Variants in NFAT5 observed in about 807,000 individuals in gnomAD.
NFAT5 encodes nuclear factor of activated T-cells 5.
A neutral mutation model predicts 166.5 loss-of-function variants in NFAT5; 31 were observed. The ratio of observed to expected loss-of-function variants is 0.19; its 90% confidence interval spans 0.14 to 0.25. The LOEUF (loss-of-function observed/expected upper bound fraction) is 0.25. Among genes scored for constraint, NFAT5 ranks in the 10% least tolerant of loss-of-function variants. The probability of loss-of-function intolerance (pLI) is 1.00; values close to 1 mark genes in which losing one functional copy is unlikely to be tolerated. For missense variants in NFAT5, 1,449 were observed against 1,821.8 expected (o/e 0.80, Z 3.72); for synonymous variants, 612 against 639.7 (o/e 0.96, Z 0.65).
In NFAT5 at chr16:69,696,631, A is replaced by C. The variant is rs1363749673; in HGVS notation, c.*280A>C. ...CAGAATTAATTGTTATTATTTTCCT[A>C]GGCGCAATTTCCTTAAACGTACAGT... On this transcript the variant is annotated 3_prime_UTR_variant, in exon 15 of 15. Coordinates refer to ENST00000349945, the MANE Select transcript of NFAT5 (RefSeq NM_138713.4). 1.3e-5 allele frequency: 2 copies of C among 152,612 alleles called. No homozygotes were observed. Among genetic ancestry groups the C allele is most frequent in the Non-Finnish European group, 2.9e-5 (2 of 68,018 alleles). The allele number at this position is 152,612 out of a possible 1,614,324, so 9.5% of individuals were successfully genotyped here. A position where few individuals can be genotyped will look rare whatever the true frequency, so the allele number is the denominator to read the frequency against.
At chr16:69,595,894 G>A (rs1439784102) in intron 2 of NFAT5, among the ~76,000 whole-genome samples, 1 of 152,188 alleles carries the variant, frequency 6.6e-6, no homozygotes, top group Admixed American at 6.5e-5. Flanking sequence ...CTAAAGGGTA[G>A]ATAGTGTGTA....
At chr16:69,621,692 G>A (rs1221937366) in intron 2 of NFAT5, among the ~76,000 whole-genome samples, 1 of 152,158 alleles carries the variant, frequency 6.6e-6, no homozygotes, top group East Asian at 1.9e-4. Flanking sequence ...ATATGGGCCA[G>A]GTGCAGCTCA....
intron 7 of NFAT5, among the ~76,000 whole-genome samples, chr16:69,663,800 C>T (rs1330017000): frequency 1.3e-5 from 2 of 151,882 alleles, no homozygotes; most frequent in Non-Finnish European, 2.9e-5. Context: ...TTATTTGAGC[C>T]CAAGAGTTCA....
chr16:69,627,423 A>G (rs1436810611), intron 3 of NFAT5, among the ~76,000 whole-genome samples: 1 of 149,208 alleles, frequency 6.7e-6, no homozygotes, highest in Admixed American at 6.7e-5. Context: ...TTTCTTGCCT[A>G]ATATGACACC....
intron 2 of NFAT5, among the ~76,000 whole-genome samples, chr16:69,611,371 T>G (rs896985484): frequency 1.6e-4 from 24 of 152,342 alleles, no homozygotes; most frequent in South Asian, 4.1e-4. Flanking sequence ...ATTGCTTACA[T>G]TCCAGAAATG....
rs763978860 is a variant in NFAT5 at position 69,626,514 on chromosome 16, CTGT to C, written c.245_247del (p.Val82del). 6.4e-7 allele frequency: 1 copy of C among 1,560,372 alleles called. No individual in the cohort carries two copies. Among genetic ancestry groups the C allele is most frequent in the African/African-American group, 1.4e-5 (1 of 72,214 alleles). Reference sequence around the variant, plus strand: ...GGTGAGGCAGGCTCGCCTCCTCCAGCTGTTGTTGCTGCTGGTATGCATTTCATT... The same window carrying C: ...GGTGAGGCAGGCTCGCCTCCTCCAGCTGTTGCTGCTGGTATGCATTTCATT... On this transcript the variant is annotated inframe_deletion, in exon 3 of 15. Coordinates refer to ENST00000349945, the MANE Select transcript of NFAT5 (RefSeq NM_138713.4).
rs2035466588 is a variant in NFAT5, at chr16:69,647,076, C to T, written c.302C>T (p.Ser101Phe). 1 of 1,607,026 alleles carries T rather than the reference C, an allele frequency of 6.2e-7. No individual in the cohort carries two copies. Among genetic ancestry groups the T allele is most frequent in the African/African-American group, 1.3e-5 (1 of 74,834 alleles). ...SSSSMGGACS[S>F]FTTSSSPTIY... Reference sequence around the variant, plus strand: ...TCCTCCATGGGCGGTGCTTGCAGCTCCTTTACCACCTCTTCCAGCCCTACC... The same window carrying T: ...TCCTCCATGGGCGGTGCTTGCAGCTTCTTTACCACCTCTTCCAGCCCTACC... Residue 101 changes from serine (S) to phenylalanine (F), a missense_variant, in exon 4 of 15, where the codon TCC becomes TTC. Around this residue, in one of 7 missense-constraint regions of NFAT5, gnomAD observed 172 missense variants for 194.5 expected, o/e 0.88. Transcript: ENST00000349945. The surrounding 1 kb of genome is among the most constrained non-coding windows in gnomAD (Gnocchi z 4.8).
chr16:69,572,686 TAA>T (rs768171090), intron 2 of NFAT5, among the ~76,000 whole-genome samples: 1 of 151,508 alleles, frequency 6.6e-6, no homozygotes, highest in African/African-American at 2.4e-5. Flanking sequence ...ACAGGAAAAA[TAA>T]GAGTATAAAC....
At chr16:69,598,505 T>C (rs1447107590) in intron 2 of NFAT5, among the ~76,000 whole-genome samples, 1 of 150,804 alleles carries the variant, frequency 6.6e-6, no homozygotes, top group East Asian at 2.0e-4. Context: ...GCACACAATA[T>C]CAACATAGTA....
chr16:69,620,570 C>T (rs554916823), intron 2 of NFAT5, among the ~76,000 whole-genome samples: 7 of 151,676 alleles, frequency 4.6e-5, no homozygotes, highest in Non-Finnish European at 8.8e-5. Flanking sequence ...CGCGTCTCTA[C>T]AAAAAAATTG....
intron 2 of NFAT5, among the ~76,000 whole-genome samples, chr16:69,615,311 A>G (rs1271913884): frequency 1.3e-5 from 2 of 152,088 alleles, no homozygotes; most frequent in Non-Finnish European, 2.9e-5. Context: ...AAAGTGCTGG[A>G]ATTACAGGCA....
At chr16:69,567,196 G>T (rs1177320877) in intron 1 of NFAT5, among the ~76,000 whole-genome samples, 2 of 152,214 alleles carry the variant, frequency 1.3e-5, no homozygotes, top group African/African-American at 4.8e-5. Context: ...TTCAAGGGCT[G>T]GTTGCAGGGA....
At chr16:69,654,435 TTC>T (rs2035800111) in intron 5 of NFAT5, among the ~76,000 whole-genome samples, 1 of 152,202 alleles carries the variant, frequency 6.6e-6, no homozygotes, top group Non-Finnish European at 1.5e-5. Context: ...AAGTCTACCC[TTC>T]TTCACTACAT....
At chr16:69,680,685 A>C (rs1408831557) in intron 10 of NFAT5, among the ~76,000 whole-genome samples, 1 of 152,098 alleles carries the variant, frequency 6.6e-6, no homozygotes, top group Non-Finnish European at 1.5e-5. Flanking sequence ...ATACAATCTA[A>C]TGTCTTAGCT....
At chr16:69,674,467 A>G (rs182684864) in intron 9 of NFAT5, among the ~76,000 whole-genome samples, 10 of 152,124 alleles carry the variant, frequency 6.6e-5, no homozygotes, top group African/African-American at 2.4e-4. Flanking sequence ...AAAAATATAT[A>G]TAAAGGGATA....
intron 2 of NFAT5, among the ~76,000 whole-genome samples, chr16:69,584,316 G>C (rs1383831083): frequency 1.3e-5 from 2 of 148,988 alleles, no homozygotes; most frequent in African/African-American, 2.5e-5. Context: ...TTTGTTCTGT[G>C]TCTCTTTTTT....
intron 7 of NFAT5, among the ~76,000 whole-genome samples, chr16:69,668,333 A>G (rs1262265633): frequency 2.0e-5 from 3 of 152,128 alleles, no homozygotes. Flanking sequence ...ACTCCCCAGC[A>G]TTGTTGAAAA....
intron 1 of NFAT5, 117 bp from the exon 2 acceptor site, chr16:69,568,370 GTGTGTGTA>G (rs1187535424): frequency 2.8e-4 from 107 of 387,202 alleles, no homozygotes; most frequent in East Asian, 1.4e-3. Flanking sequence ...GTGTGTGTGT[GTGTGTGTA>G]TATATATATA....
At chr16:69,641,672 C>T (rs1447256707) in intron 3 of NFAT5, among the ~76,000 whole-genome samples, 1 of 152,024 alleles carries the variant, frequency 6.6e-6, no homozygotes, top group Non-Finnish European at 1.5e-5. Flanking sequence ...ATATTTTAAG[C>T]ACTAATATAT....
Sources: allele counts gnomAD v4.1 joint callset (sites outside exome capture counted in the v4.1 genomes callset), GRCh38; gene constraint gnomAD v4.1.1; regional missense constraint gnomAD v4.1.1; non-coding constraint Gnocchi (gnomAD v3.1); transcripts MANE v1.5; gene names NCBI Gene and HGNC (gene_info 2026-07-23, HGNC 2026-07-21).